KIF26B: variants seen among roughly 807,000 people sequenced by gnomAD.
The protein encoded by KIF26B is kinesin family member 26B.
KIF26B carries 63 observed loss-of-function variants against 151.2 expected under a neutral mutation model. The ratio of observed to expected loss-of-function variants is 0.42; its 90% CI spans 0.34 to 0.51. The LOEUF (loss-of-function observed/expected upper bound fraction) is 0.51, where lower values mean the gene tolerates loss of function less well. Among genes scored for constraint, KIF26B ranks in the 20% least tolerant of loss-of-function variants. The pLI is 0.07. For synonymous variants in KIF26B, 1,357 were observed against 1,262.1 expected (o/e 1.08, Z -1.59); for missense variants, 2,813 against 2,913.6 (o/e 0.97, Z 0.79).
At chr1:245,156,744 A>T (rs1473399472) in intron 2 of KIF26B, 61 bp downstream of exon 2, 1 of 1,132,362 alleles carries the variant, frequency 8.8e-7, no homozygotes, top group East Asian at 3.2e-5. Context: ...GCCGCCACCC[A>T]CAGCAGCTGC....
chr1:245,355,561 A>G (rs1672674598), intron 2 of KIF26B, among the ~76,000 whole-genome samples: 1 of 149,974 alleles, frequency 6.7e-6, no homozygotes, highest in Admixed American at 6.7e-5. Flanking sequence ...ACGCCACTGC[A>G]TTTCAGCCTG....
intron 2 of KIF26B, among the ~76,000 whole-genome samples, chr1:245,251,336 G>A (rs1212535373): frequency 6.6e-6 from 1 of 152,152 alleles, no homozygotes; most frequent in African/African-American, 2.4e-5. Flanking sequence ...AACCTTGCAG[G>A]CAGGTCTTCT....
intron 2 of KIF26B, among the ~76,000 whole-genome samples, chr1:245,204,080 G>GTACATTAAGAGAACTGTA (rs1669351754): frequency 3.3e-5 from 5 of 152,184 alleles, no homozygotes; most frequent in African/African-American, 1.2e-4. Context: ...ATCTTCACAC[G>GTACATTAAGAGAACTGTA]CAGATGCTGT....
At chr1:245,394,391 G>A (rs1673771941) in intron 3 of KIF26B, among the ~76,000 whole-genome samples, 1 of 152,130 alleles carries the variant, frequency 6.6e-6, no homozygotes, top group African/African-American at 2.4e-5. Flanking sequence ...AGGAGGCCAA[G>A]GCAGGCAGAT....
intron 3 of KIF26B, among the ~76,000 whole-genome samples, chr1:245,369,737 G>T (rs1673064465): frequency 6.6e-6 from 1 of 152,194 alleles, no homozygotes; most frequent in Non-Finnish European, 1.5e-5. Context: ...ACTTTCCTAG[G>T]CTACCCCAAA....
chr1:245,486,545 A>G (rs1241697870), intron 4 of KIF26B, among the ~76,000 whole-genome samples: 1 of 152,248 alleles, frequency 6.6e-6, no homozygotes, highest in Non-Finnish European at 1.5e-5. Context: ...AATACGTAAG[A>G]TAATTTCATA....
intron 4 of KIF26B, chr1:245,511,147 T>G: frequency 1.4e-6 from 1 of 717,152 alleles, no homozygotes. Context: ...CGCAGTTATA[T>G]ATGTTGCTGG....
At chr1:245,605,803 G>T (rs1018291365) in intron 6 of KIF26B, among the ~76,000 whole-genome samples, 5 of 152,116 alleles carry the variant, frequency 3.3e-5, no homozygotes, top group African/African-American at 1.2e-4. Context: ...AGCCGGGTGG[G>T]AACTGTGCCA....
chr1:245,511,225 G>A (rs1222721366), intron 4 of KIF26B: 8 of 682,152 alleles, frequency 1.2e-5, no homozygotes, highest in Non-Finnish European at 1.9e-5. Flanking sequence ...TTTGAGAAAA[G>A]TAAAAATAAA....
chr1:245,682,454 G>T (rs568022813), intron 10 of KIF26B, among the ~76,000 whole-genome samples: 1,916 of 141,508 alleles, frequency 0.014, 17 homozygotes, highest in Middle Eastern at 0.021. Context: ...CACTACTCAT[G>T]TAAGACCTGA....
chr1:245,689,918 A>G (rs2044601343), intron 12 of KIF26B, among the ~76,000 whole-genome samples: 2 of 152,286 alleles, frequency 1.3e-5, no homozygotes, highest in South Asian at 4.1e-4. Flanking sequence ...TAATTAATAT[A>G]TAAAGCCCAC....
intron 2 of KIF26B, among the ~76,000 whole-genome samples, chr1:245,221,104 G>A (rs780242558): frequency 6.6e-6 from 1 of 152,136 alleles, no homozygotes; most frequent in African/African-American, 2.4e-5. Context: ...GTATAAATAA[G>A]TTTGTTAATG....
intron 9 of KIF26B, among the ~76,000 whole-genome samples, chr1:245,617,899 T>G (rs2043609806): frequency 6.6e-6 from 1 of 152,022 alleles, no homozygotes; most frequent in African/African-American, 2.4e-5. Flanking sequence ...TACCTCAGTT[T>G]CCCCCCTGCT....
chr1:245,158,553 A>G (rs1177500512), intron 2 of KIF26B, among the ~76,000 whole-genome samples: 1 of 152,234 alleles, frequency 6.6e-6, no homozygotes, highest in African/African-American at 2.4e-5. Context: ...CTGAACCCCC[A>G]TGCTCTACAA....
chr1:245,421,563 G>A (rs2103037026), intron 4 of KIF26B, among the ~76,000 whole-genome samples: 1 of 152,272 alleles, frequency 6.6e-6, no homozygotes, highest in South Asian at 2.1e-4. Context: ...AACATTCAAT[G>A]CTCAGATGGG....
chr1:245,370,632 G>C, intron 3 of KIF26B: 1 of 456,658 alleles, frequency 2.2e-6, no homozygotes, highest in South Asian at 1.5e-5. Context: ...CGGCGGCTGC[G>C]CCAGCGCTGA....
At chr1:245,553,731 A>G (rs1661950999) in intron 5 of KIF26B, among the ~76,000 whole-genome samples, 1 of 152,174 alleles carries the variant, frequency 6.6e-6, no homozygotes, top group South Asian at 2.1e-4. Flanking sequence ...TGAGAGCCAA[A>G]GCCAAGGCGG....
intron 2 of KIF26B, among the ~76,000 whole-genome samples, chr1:245,350,402 C>T (rs1672542959): frequency 6.6e-6 from 1 of 152,172 alleles, no homozygotes; most frequent in African/African-American, 2.4e-5. Context: ...ACCCTTCGAC[C>T]TTTTCTGAAG....
At chr1:245,313,306 A>T (rs1450095833) in intron 2 of KIF26B, among the ~76,000 whole-genome samples, 2 of 152,172 alleles carry the variant, frequency 1.3e-5, no homozygotes, top group African/African-American at 4.8e-5. Context: ...GGGCCAGGTC[A>T]CTCTCCAGGG....
Sources: gnomAD v4.1 joint callset for allele counts (sites outside exome capture counted in the v4.1 genomes callset) on GRCh38, gnomAD v4.1.1 for gene constraint, MANE v1.5 for transcripts, NCBI Gene and HGNC (gene_info 2026-07-23, HGNC 2026-07-21) for gene names.